The following DLC1 variants were observed in gnomAD, a reference collection of about 807,000 sequenced individuals.
DLC1 encodes rho GTPase-activating protein 7.
DLC1 carries 54 observed loss-of-function variants against 140.3 expected under a neutral mutation model. That is an observed-to-expected ratio of 0.38 (90% CI 0.31 to 0.48). The LOEUF (loss-of-function observed/expected upper bound fraction) is 0.48. Ranked by LOEUF, DLC1 falls within the 20% of genes least tolerant of loss-of-function variation. The pLI, the probability that DLC1 is intolerant of heterozygous loss-of-function variation, is 0.96. For missense variants in DLC1, 2,536 were observed against 1,907.0 expected (o/e 1.33, Z -6.14); for synonymous variants, 986 against 728.1 (o/e 1.35, Z -5.70).
intron 7 of DLC1, among the ~76,000 whole-genome samples, chr8:13,108,158 G>C (rs1187686657): frequency 6.6e-6 from 1 of 152,160 alleles, no homozygotes; most frequent in African/African-American, 2.4e-5. Context: ...TTCATGAAAA[G>C]TCCATTTATG....
chr8:13,118,735 T>C (rs1017920342), intron 5 of DLC1, among the ~76,000 whole-genome samples: 8 of 152,178 alleles, frequency 5.3e-5, no homozygotes, highest in African/African-American at 1.9e-4. Context: ...TGAACCTATA[T>C]CTACATGCGA....
intron 2 of DLC1, among the ~76,000 whole-genome samples, chr8:13,433,943 CCT>C: frequency 6.6e-6 from 1 of 152,180 alleles, no homozygotes; most frequent in Non-Finnish European, 1.5e-5. Context: ...GCAATCTCCG[CCT>C]CCTGGGTTCA....
At chr8:13,364,465 A>G (rs1386961160) in intron 4 of DLC1, among the ~76,000 whole-genome samples, 1 of 152,006 alleles carries the variant, frequency 6.6e-6, no homozygotes, top group Non-Finnish European at 1.5e-5. Flanking sequence ...CGCCAGGCTA[A>G]TTTTGTATTT....
At chr8:13,342,179 T>C (rs1834091500) in intron 4 of DLC1, 1 of 152,188 alleles carries the variant, frequency 6.6e-6, no homozygotes, top group South Asian at 2.1e-4. Flanking sequence ...GTAATAAATA[T>C]GAACTACATG....
intron 5 of DLC1, among the ~76,000 whole-genome samples, chr8:13,118,568 G>A (rs1206244330): frequency 6.6e-6 from 1 of 152,158 alleles, no homozygotes; most frequent in Non-Finnish European, 1.5e-5. Flanking sequence ...ATCAGAATTG[G>A]AAAACTGTAA....
At chr8:13,553,458 C>G (rs1585268183) in intron 1 of DLC1, among the ~76,000 whole-genome samples, 1 of 151,626 alleles carries the variant, frequency 6.6e-6, no homozygotes, top group South Asian at 2.1e-4. Context: ...ACAATCCTCT[C>G]TTGATTACAC....
chr8:13,409,603 CT>C (rs1837701218), intron 2 of DLC1, among the ~76,000 whole-genome samples: 6 of 152,112 alleles, frequency 3.9e-5, no homozygotes. Flanking sequence ...TATCTGGCAA[CT>C]GTGTTTTCAT....
chr8:13,095,005 G>T (rs371523103), intron 11 of DLC1, 48 bp from the exon 12 acceptor site: 2 of 1,614,040 alleles, frequency 1.2e-6, no homozygotes, highest in South Asian at 1.1e-5. Context: ...CGTGGACGCA[G>T]TGTTTACACC....
intron 5 of DLC1, among the ~76,000 whole-genome samples, chr8:13,189,329 C>T (rs1044307480): frequency 7.2e-5 from 11 of 152,256 alleles, no homozygotes; most frequent in African/African-American, 2.2e-4. Flanking sequence ...AAATAAATTG[C>T]GTGCTGGGTG....
chr8:13,384,308 C>T (rs988731487), intron 4 of DLC1, among the ~76,000 whole-genome samples: 2 of 145,024 alleles, frequency 1.4e-5, no homozygotes, highest in Admixed American at 6.8e-5. Context: ...AACACTCCCA[C>T]CCCACAATCT....
In DLC1 at chr8:13,085,575, A is replaced by AT. The variant is rs1817483494; in HGVS notation, c.*235_*236insA. On this transcript the variant is annotated 3_prime_UTR_variant, in exon 18 of 18. Transcript: ENST00000276297. The stretch of plus-strand genomic sequence containing the variant: ...AGCAATTTGAATAAGAATACACATA[A>AT]ATTTTTTTTTTTTTTTTGCACAGTC... 1.0e-5 allele frequency: 4 copies of AT among 396,066 alleles called. No homozygotes were observed. The highest frequency in any genetic ancestry group is 4.2e-5 in the Admixed American group (1 of 24,040). The allele number at this position is 396,066 out of a possible 1,614,324, so 24.5% of individuals were successfully genotyped here.
chr8:13,493,309 A>G (rs1302983922), intron 2 of DLC1, among the ~76,000 whole-genome samples: 1 of 152,072 alleles, frequency 6.6e-6, no homozygotes, highest in Non-Finnish European at 1.5e-5. Flanking sequence ...TAATTCCTTC[A>G]TTGTCCTTGC....
chr8:13,270,399 G>C (rs1033125447), intron 5 of DLC1, among the ~76,000 whole-genome samples: 1 of 152,186 alleles, frequency 6.6e-6, no homozygotes, highest in Non-Finnish European at 1.5e-5. Flanking sequence ...TTGACATTTA[G>C]CATATTTTTT....
At chr8:13,475,935 T>C (rs1374350029) in intron 2 of DLC1, among the ~76,000 whole-genome samples, 4 of 152,222 alleles carry the variant, frequency 2.6e-5, no homozygotes, top group Admixed American at 6.5e-5. Context: ...AGTTCCCACA[T>C]ACTTGGGTCA....
chr8:13,121,474 A>G (rs535304552), intron 5 of DLC1, among the ~76,000 whole-genome samples: 6 of 152,286 alleles, frequency 3.9e-5, no homozygotes, highest in Admixed American at 6.5e-5. Context: ...CACGACCACA[A>G]ATACTTGTAG....
intron 1 of DLC1, among the ~76,000 whole-genome samples, chr8:13,572,800 GT>G (rs1223887186): frequency 6.6e-6 from 1 of 152,004 alleles, no homozygotes. Context: ...AGAAATAAGA[GT>G]TTATTTCTGA....
At chr8:13,405,930 T>C (rs563633306) in intron 2 of DLC1, among the ~76,000 whole-genome samples, 10 of 128,280 alleles carry the variant, frequency 7.8e-5, no homozygotes, top group African/African-American at 2.7e-4. Context: ...TCTTTCTTTC[T>C]TTCTTTCTTT....
At chr8:13,163,395 A>G (rs974774431) in intron 5 of DLC1, among the ~76,000 whole-genome samples, 1 of 152,172 alleles carries the variant, frequency 6.6e-6, no homozygotes. Flanking sequence ...TCATGAAATA[A>G]TTTTGAAAAT....
chr8:13,206,837 C>T (rs1480605619), intron 5 of DLC1, among the ~76,000 whole-genome samples: 4 of 151,938 alleles, frequency 2.6e-5, no homozygotes, highest in East Asian at 3.9e-4. Context: ...GCAAAGAACT[C>T]GAACAGCACA....
Sources: gnomAD v4.1 joint callset for allele counts (sites outside exome capture counted in the v4.1 genomes callset) on GRCh38, gnomAD v4.1.1 for gene constraint, MANE v1.5 for transcripts, NCBI Gene and HGNC (gene_info 2026-07-23, HGNC 2026-07-21) for gene names.